GLI3: variants seen among roughly 807,000 people sequenced by gnomAD.
The protein encoded by GLI3 is GLI family zinc finger 3.
GLI3 carries 20 observed loss-of-function variants against 100.8 expected under a neutral mutation model. That is an observed-to-expected ratio of 0.20 (90% CI 0.14 to 0.29). GLI3 has a LOEUF of 0.29. Ranked by LOEUF, GLI3 falls within the 10% of genes least tolerant of loss-of-function variation. The pLI, the probability that GLI3 is intolerant of heterozygous loss-of-function variation, is 1.00. For missense variants in GLI3, 2,040 were observed against 2,128.5 expected, an observed-to-expected ratio of 0.96 and a Z score of 0.82; for synonymous variants, 938 against 860.5, an observed-to-expected ratio of 1.09 and a Z score of -1.58.
At chr7:42,261,969 T>G (rs1400415305) in intron 1 of GLI3, among the ~76,000 whole-genome samples, 2 of 75,872 alleles carry the variant, frequency 2.6e-5, no homozygotes, top group Non-Finnish European at 5.8e-5. Flanking sequence ...TTCCTCTCTC[T>G]CTCGCTCTCT....
intron 2 of GLI3, among the ~76,000 whole-genome samples, chr7:42,196,984 T>A (rs1787939087): frequency 6.6e-6 from 1 of 152,232 alleles, no homozygotes; most frequent in African/African-American, 2.4e-5. Context: ...CTATTACTCC[T>A]GATGGCAACC....
chr7:42,081,545 G>T (rs1162740369), intron 3 of GLI3, among the ~76,000 whole-genome samples: 1 of 152,182 alleles, frequency 6.6e-6, no homozygotes, highest in Admixed American at 6.5e-5. Context: ...TGAGCATTAA[G>T]GGTCTCATTA....
intron 1 of GLI3, among the ~76,000 whole-genome samples, chr7:42,256,572 G>A (rs1789087117): frequency 1.3e-5 from 2 of 152,104 alleles, no homozygotes; most frequent in Admixed American, 6.5e-5. Flanking sequence ...TTGCATCTTT[G>A]TTGAGCACAG....
chr7:42,184,312 C>A (rs542559201), intron 2 of GLI3, among the ~76,000 whole-genome samples: 4 of 152,324 alleles, frequency 2.6e-5, no homozygotes, highest in African/African-American at 9.6e-5. Flanking sequence ...CGTTCCCTGA[C>A]CTGCAAGGCC....
chr7:42,002,501 G>A (rs140312892), intron 10 of GLI3, among the ~76,000 whole-genome samples: 4 of 152,112 alleles, frequency 2.6e-5, no homozygotes, highest in East Asian at 1.9e-4. Flanking sequence ...AATAAAATAC[G>A]TAGACAAAGA....
intron 2 of GLI3, among the ~76,000 whole-genome samples, chr7:42,219,670 TG>T (rs1788443513): frequency 6.6e-6 from 1 of 152,148 alleles, no homozygotes. Context: ...GTGGTTTGGC[TG>T]GGAAGCTCAC....
upstream of GLI3, among the ~76,000 whole-genome samples, chr7:42,238,127 C>G (rs566248978): frequency 5.9e-5 from 9 of 151,506 alleles, no homozygotes; most frequent in South Asian, 1.9e-3. Context: ...CCTCCCGGCG[C>G]GCCGAAGCCC....
chr7:42,239,481 T>C (rs1030758677), upstream of GLI3, among the ~76,000 whole-genome samples: 2 of 152,228 alleles, frequency 1.3e-5, no homozygotes, highest in African/African-American at 4.8e-5. Flanking sequence ...GTTACAATTG[T>C]TTTTAGTATT....
Position 42,023,456 on chromosome 7 carries a change from C to T in GLI3, c.1497+12G>A, listed in dbSNP as rs1789003114. 1 of 1,613,946 alleles carries T rather than the reference C, an allele frequency of 6.2e-7. No individual in the cohort carries two copies. Among genetic ancestry groups the T allele is most frequent in the African/African-American group, 1.3e-5 (1 of 74,932 alleles). ...AGCTGTAAAGCTCGGTTCCTGAATA[C>T]CATCCACTTACGTGCACAAGCTGCT... On this transcript the variant is annotated intron_variant, in intron 10 of 14. Coordinates refer to ENST00000395925, the MANE Select transcript of GLI3 (RefSeq NM_000168.6).
chr7:42,179,728 T>A (rs966937189), intron 2 of GLI3, among the ~76,000 whole-genome samples: 4 of 151,584 alleles, frequency 2.6e-5, no homozygotes, highest in African/African-American at 9.7e-5. Flanking sequence ...TGTGAGAGAG[T>A]GAGAGAGAGA....
chr7:42,010,247 T>C (rs867469550), intron 10 of GLI3, among the ~76,000 whole-genome samples: 2 of 152,316 alleles, frequency 1.3e-5, no homozygotes, highest in Middle Eastern at 3.4e-3. Context: ...GAGAGCTGTT[T>C]CCCTCTGGAG....
At chr7:42,238,158 G>A (rs1316219353), upstream of GLI3, among the ~76,000 whole-genome samples, 1 of 151,712 alleles carries the variant, frequency 6.6e-6, no homozygotes, top group Middle Eastern at 3.4e-3. Flanking sequence ...GCGAGGGGAA[G>A]GGGGCCCGGG....
chr7:42,163,767 G>C (rs906305661), intron 2 of GLI3, among the ~76,000 whole-genome samples: 2 of 151,930 alleles, frequency 1.3e-5, no homozygotes, highest in Non-Finnish European at 1.5e-5. Flanking sequence ...ACAACCACTG[G>C]GCACATCATA....
chr7:42,251,232 C>T (rs1789027508), intron 1 of GLI3, among the ~76,000 whole-genome samples: 1 of 152,144 alleles, frequency 6.6e-6, no homozygotes, highest in South Asian at 2.1e-4. Flanking sequence ...AATTTTTCCA[C>T]AGGTTGGGGA....
chr7:42,157,922 T>C (rs1039329480), intron 2 of GLI3, among the ~76,000 whole-genome samples: 1 of 152,238 alleles, frequency 6.6e-6, no homozygotes, highest in African/African-American at 2.4e-5. Context: ...GGTATAGGAC[T>C]TTAAAAGATT....
chr7:42,144,948 A>G (rs1408750041), intron 3 of GLI3, among the ~76,000 whole-genome samples: 1 of 152,192 alleles, frequency 6.6e-6, no homozygotes, highest in Non-Finnish European at 1.5e-5. Flanking sequence ...AACTTGAGCT[A>G]CTGAAGGTCT....
intron 2 of GLI3, among the ~76,000 whole-genome samples, chr7:42,192,627 G>T (rs1787850048): frequency 6.6e-6 from 1 of 152,182 alleles, no homozygotes; most frequent in Non-Finnish European, 1.5e-5. Flanking sequence ...CTGGAAAGAG[G>T]ATGATAAATG....
chr7:42,244,921 A>G (rs1788957287), intron 1 of GLI3, among the ~76,000 whole-genome samples: 1 of 152,240 alleles, frequency 6.6e-6, no homozygotes, highest in African/African-American at 2.4e-5. Context: ...TAGGTCTTCT[A>G]TTAAAGACAA....
rs749940791 is a variant in GLI3 at position 42,048,556 on chromosome 7, C to T, written c.614G>A (p.Arg205His). Reference protein sequence around the residue: ...PYINPYMDYIRSLHSSPSLSM... With the variant: ...PYINPYMDYIHSLHSSPSLSM... ...GAGCGATGGGCTGCTGTGCAAGGAG[C>T]GGATATAGTCCATGTAGGGATTAAT... The change falls in exon 5 of 15, where the codon CGC (arginine) becomes CAC (histidine). Residue 205 changes from arginine to histidine, a missense_variant. This residue lies in a region of GLI3 where 603 missense variants were observed against 690.9 expected (regional missense o/e 0.87). Coordinates refer to ENST00000395925, the MANE Select transcript of GLI3 (RefSeq NM_000168.6). 1.1e-5 allele frequency: 17 copies of T among 1,612,636 alleles called. No homozygotes were observed. The highest frequency in any genetic ancestry group is 2.2e-5 in the South Asian group (2 of 90,960).
Sources: gnomAD v4.1 joint callset for allele counts (sites outside exome capture counted in the v4.1 genomes callset) on GRCh38, gnomAD v4.1.1 for gene constraint, gnomAD v4.1.1 regional missense constraint, MANE v1.5 for transcripts, NCBI Gene and HGNC (gene_info 2026-07-23, HGNC 2026-07-21) for gene names.